The following DNAAF4 variants were observed in gnomAD, a reference collection of about 807,000 sequenced individuals.
DNAAF4 encodes dynein assembly factor 4, axonemal.
A neutral mutation model predicts 51.8 loss-of-function variants in DNAAF4; 43 were observed. That is an observed-to-expected ratio of 0.83 (90% CI 0.65 to 1.07). DNAAF4 has a LOEUF of 1.07. Among genes scored for constraint, DNAAF4 ranks in the 50% least tolerant of loss-of-function variants. DNAAF4 has a pLI of 0.00. For missense variants in DNAAF4, 581 were observed against 493.0 expected (o/e 1.18, Z -1.69); for synonymous variants, 194 against 165.6 (o/e 1.17, Z -1.32).
chr15:55,486,645 A>G (rs2058493474), intron 4 of DNAAF4, among the ~76,000 whole-genome samples: 1 of 152,166 alleles, frequency 6.6e-6, no homozygotes, highest in Admixed American at 6.6e-5. Flanking sequence ...TTAGCAGGGC[A>G]TGGTGGCATA....
intron 6 of DNAAF4, chr15:55,442,962 C>T: frequency 6.2e-7 from 1 of 1,611,148 alleles, no homozygotes; most frequent in Non-Finnish European, 8.5e-7. Flanking sequence ...CCATCCTTTT[C>T]TCAACGTCAT....
chr15:55,464,930 G>C (rs2058146705), intron 5 of DNAAF4, among the ~76,000 whole-genome samples: 1 of 152,124 alleles, frequency 6.6e-6, no homozygotes, highest in Non-Finnish European at 1.5e-5. Context: ...ACTCCAGCCT[G>C]GGCAACAAGA....
rs138589417 is a variant in DNAAF4, at chr15:55,469,768, G to A, written c.406-2607C>T. Among the ~76,000 whole-genome samples the A allele has an allele frequency of 2.3e-3, 346 of 151,818 alleles. 5 individuals carry two copies. Among genetic ancestry groups the A allele is most frequent in the Admixed American group, 0.019 (294 of 15,226 alleles). On this transcript the variant is annotated intron_variant, in intron 4 of 9. Transcript: ENST00000321149. ...ACCTCCCAAAGTGCTGGGATTACAG[G>A]CGTGAGCCACTGCGCCCGGCCTATG...
intron 5 of DNAAF4, among the ~76,000 whole-genome samples, chr15:55,452,818 G>T (rs2057956188): frequency 6.6e-6 from 1 of 152,176 alleles, no homozygotes; most frequent in Non-Finnish European, 1.5e-5. Context: ...GATGCAAATA[G>T]ATTAATATCA....
At chr15:55,501,383 T>TTC (rs1435884751) in intron 1 of DNAAF4, among the ~76,000 whole-genome samples, 3 of 143,632 alleles carry the variant, frequency 2.1e-5, no homozygotes, top group Admixed American at 7.1e-5. Context: ...TTTCTTTTTT[T>TTC]TTTTTTTTTT....
At chr15:55,467,618 T>C (rs1230744473) in intron 4 of DNAAF4, among the ~76,000 whole-genome samples, 1 of 151,896 alleles carries the variant, frequency 6.6e-6, no homozygotes, top group Non-Finnish European at 1.5e-5. Context: ...TCCCAAGTCT[T>C]ACCCTGTCAA....
chr15:55,418,287 G>T (rs2057355146), intron 7 of DNAAF4: 1 of 1,550,932 alleles, frequency 6.4e-7, no homozygotes, highest in South Asian at 1.2e-5. Flanking sequence ...CTGCCTCCTT[G>T]TGTGAACCCT....
At chr15:55,426,050 T>C (rs1595885352), downstream of DNAAF4, among the ~76,000 whole-genome samples, 2 of 152,156 alleles carry the variant, frequency 1.3e-5, no homozygotes, top group Admixed American at 6.5e-5. Flanking sequence ...ACTTGGTGGG[T>C]GGGGGGAAGC....
intron 5 of DNAAF4, among the ~76,000 whole-genome samples, chr15:55,463,077 G>A (rs1170165522): frequency 6.6e-6 from 1 of 152,038 alleles, no homozygotes; most frequent in Non-Finnish European, 1.5e-5. Flanking sequence ...GGGAGGTTGA[G>A]GCAGGAGAAC....
intron 4 of DNAAF4, among the ~76,000 whole-genome samples, chr15:55,482,473 T>TA (rs2093859224): frequency 1.3e-5 from 2 of 151,976 alleles, no homozygotes; most frequent in Non-Finnish European, 2.9e-5. Context: ...GGTCAAGAGT[T>TA]AGAGACCAGC....
chr15:55,430,065 G>C (rs2057471827), downstream of DNAAF4, among the ~76,000 whole-genome samples: 1 of 152,166 alleles, frequency 6.6e-6, no homozygotes, highest in South Asian at 2.1e-4. Context: ...TCACCAGATA[G>C]TGTTATGAAA....
intron 1 of DNAAF4, among the ~76,000 whole-genome samples, chr15:55,505,777 G>A (rs186973479): frequency 1.3e-5 from 2 of 152,112 alleles, no homozygotes; most frequent in African/African-American, 4.8e-5. Flanking sequence ...GAGGTGGGGG[G>A]GCTGGGGGAG....
At chr15:55,507,812 T>C (rs1235860146) in intron 1 of DNAAF4, among the ~76,000 whole-genome samples, 1 of 152,108 alleles carries the variant, frequency 6.6e-6, no homozygotes, top group Non-Finnish European at 1.5e-5. Flanking sequence ...CACTGCACTC[T>C]AGCCTGAGTA....
chr15:55,467,292 T>A, intron 4 of DNAAF4, 131 bp from the exon 5 acceptor site: 1 of 860,180 alleles, frequency 1.2e-6, no homozygotes, highest in Non-Finnish European at 1.8e-6. Context: ...CAATAGGTAG[T>A]AGTGAATTAT....
At chr15:55,442,695 C>T (rs2057733279) in intron 6 of DNAAF4, 3 of 1,459,914 alleles carry the variant, frequency 2.1e-6, no homozygotes, top group Non-Finnish European at 2.9e-6. Context: ...AATATAGGGT[C>T]TTCTCATCAA....
chr15:55,507,712 A>G (rs1048156343), intron 1 of DNAAF4, among the ~76,000 whole-genome samples: 12 of 152,072 alleles, frequency 7.9e-5, no homozygotes, highest in African/African-American at 1.2e-4. Flanking sequence ...AAGGCCCGGG[A>G]TGCACATTGT....
At chr15:55,476,273 T>A (rs1294804329) in intron 4 of DNAAF4, among the ~76,000 whole-genome samples, 1 of 151,954 alleles carries the variant, frequency 6.6e-6, no homozygotes, top group East Asian at 1.9e-4. Flanking sequence ...TTCAAGACCA[T>A]CCTGAGTAAC....
Position 55,437,706 on chromosome 15 carries a change from C to A in DNAAF4, c.893+1766G>T, listed in dbSNP as rs78751384. 7.8e-3 allele frequency among the ~76,000 whole-genome samples: 1,189 copies of A among 152,178 alleles called. 13 individuals carry two copies. The highest frequency in any genetic ancestry group is 0.024 in the African/African-American group (998 of 41,528). ...GCAGGAGAGTCAGAAAAGGAGATCA[C>A]GGAAGCAGAGGTCAGAATAACGCAA... is the stretch of plus-strand genomic sequence containing the variant. On this transcript the variant is annotated intron_variant, in intron 7 of 9. Coordinates refer to ENST00000321149, the MANE Select transcript of DNAAF4 (RefSeq NM_130810.4).
At chr15:55,436,095 T>C (rs1344993179) in intron 7 of DNAAF4, among the ~76,000 whole-genome samples, 3 of 152,156 alleles carry the variant, frequency 2.0e-5, no homozygotes, top group Non-Finnish European at 2.9e-5. Flanking sequence ...GCCCTATTTT[T>C]ACTTTTTTGG....
Sources: allele counts gnomAD v4.1 joint callset (sites outside exome capture counted in the v4.1 genomes callset), GRCh38; gene constraint gnomAD v4.1.1; transcripts MANE v1.5; gene names NCBI Gene and HGNC (gene_info 2026-07-23, HGNC 2026-07-21).